Variants in KIAA1217 observed in about 807,000 individuals in gnomAD.
The protein encoded by KIAA1217 is sickle tail protein homolog.
Under a neutral mutation model 163.9 loss-of-function variants are expected in KIAA1217, and 88 were observed. The ratio of observed to expected loss-of-function variants is 0.54; its 90% confidence interval spans 0.45 to 0.64. The LOEUF (loss-of-function observed/expected upper bound fraction) is 0.64, where lower values mean the gene tolerates loss of function less well. Among genes scored for constraint, KIAA1217 ranks in the 30% least tolerant of loss-of-function variants. The pLI, the probability that KIAA1217 is intolerant of heterozygous loss-of-function variation, is 0.00. For missense variants in KIAA1217, 2,372 were observed against 2,475.0 expected, an observed-to-expected ratio of 0.96 and a Z score of 0.88; for synonymous variants, 903 against 923.1, an observed-to-expected ratio of 0.98 and a Z score of 0.39.
chr10:23,956,514 AC>A (rs1844565472), intron 1 of KIAA1217, among the ~76,000 whole-genome samples: 1 of 152,044 alleles, frequency 6.6e-6, no homozygotes, highest in Admixed American at 6.6e-5. Context: ...CTGCCTTCTA[AC>A]CCCCTTCTAA....
intron 9 of KIAA1217, 23 bp from the exon 10 acceptor site, chr10:24,513,236 G>C (rs766169808): frequency 1.2e-6 from 2 of 1,611,452 alleles, no homozygotes; most frequent in South Asian, 2.2e-5. Flanking sequence ...AGCCCACTGA[G>C]GTTGATTTTT....
intron 1 of KIAA1217, among the ~76,000 whole-genome samples, chr10:23,702,699 A>T (rs1279916624): frequency 6.6e-6 from 1 of 151,882 alleles, no homozygotes; most frequent in Non-Finnish European, 1.5e-5. Context: ...ACACACACAC[A>T]CACACACACA....
At chr10:24,494,027 C>T (rs1343201473) in intron 6 of KIAA1217, among the ~76,000 whole-genome samples, 3 of 152,186 alleles carry the variant, frequency 2.0e-5, no homozygotes, top group Non-Finnish European at 4.4e-5. Flanking sequence ...AGCTGTGACA[C>T]AAGTGTTACT....
At chr10:24,156,395 G>A (rs1645942877) in intron 2 of KIAA1217, among the ~76,000 whole-genome samples, 1 of 152,160 alleles carries the variant, frequency 6.6e-6, no homozygotes, top group Non-Finnish European at 1.5e-5. Flanking sequence ...TTTGTTTCCA[G>A]TTTGGGGCTA....
chr10:24,243,621 A>G (rs2073382369), intron 2 of KIAA1217, among the ~76,000 whole-genome samples: 1 of 150,928 alleles, frequency 6.6e-6, no homozygotes, highest in East Asian at 2.0e-4. Context: ...ATGGCTGTGT[A>G]GAATATTCAC....
rs565016701 is a variant in KIAA1217 at position 24,015,859 on chromosome 10, G to A, written c.-171+8485G>A. Among the ~76,000 whole-genome samples the A allele has an allele frequency of 1.3e-4, 20 of 151,886 alleles. No homozygotes were observed. In the East Asian group the frequency reaches 2.7e-3, roughly 21 times the overall value. ...CAGAACCTAGTCCTAAGGCCACAAA[G>A]TAACTTCAAAGTGTACTGGGATGTG... On this transcript the variant is annotated intron_variant, in intron 2 of 18. Transcript: ENST00000376462.
Position 24,292,750 on chromosome 10 carries a change from C to T in KIAA1217, c.354+72841C>T, listed in dbSNP as rs142637071. Among the ~76,000 whole-genome samples the T allele has an allele frequency of 3.8e-3, 574 of 152,178 alleles. 6 individuals carry two copies. The highest frequency in any genetic ancestry group is 0.013 in the African/African-American group (547 of 41,522). On this transcript the variant is annotated intron_variant, in intron 2 of 20. Transcript: ENST00000376454. ...ACATGGGCTGTTTCAAGAGTTTCCA[C>T]GGAATGAAGGTAAACGCTTAGGATA... is the stretch of plus-strand genomic sequence containing the variant.
rs35966270 is a variant in KIAA1217, at chr10:24,090,332, C to CTTTTTTTTTTTT, written c.-171+82975_-171+82986dup. On this transcript the variant is annotated intron_variant, in intron 2 of 18. Coordinates refer to the KIAA1217 transcript ENST00000376462. ...CAGGCATGCACCCTCACATCCTGCTCTTTTTTTTTTTTTTTTTTTTTTTTT... is the reference window on the plus strand; with the variant it reads ...CAGGCATGCACCCTCACATCCTGCTCTTTTTTTTTTTTTTTTTTTTTTTTTTTTTTTTTTTTT... Among the ~76,000 whole-genome samples, 22 of 58,936 alleles carry CTTTTTTTTTTTT rather than the reference C, an allele frequency of 3.7e-4. 2 individuals are homozygous for CTTTTTTTTTTTT. Among genetic ancestry groups the CTTTTTTTTTTTT allele is most frequent in the African/African-American group, 2.6e-3 (22 of 8,546 alleles). The allele number at this position is 58,936 out of a possible 152,430, so 38.7% of individuals were successfully genotyped here. A position where few individuals can be genotyped will look rare whatever the true frequency, so the allele number is the denominator to read the frequency against.
chr10:23,994,232 G>A (rs890177976), intron 1 of KIAA1217, among the ~76,000 whole-genome samples: 1 of 152,172 alleles, frequency 6.6e-6, no homozygotes, highest in African/African-American at 2.4e-5. Context: ...GACTATTGAA[G>A]CTGAACATGA....
intron 2 of KIAA1217, among the ~76,000 whole-genome samples, chr10:24,345,568 T>C (rs913507558): frequency 2.6e-5 from 4 of 152,304 alleles, no homozygotes; most frequent in Middle Eastern, 3.4e-3. Context: ...CCAGTCCCCT[T>C]TGGAGAGAGT....
intron 2 of KIAA1217, among the ~76,000 whole-genome samples, chr10:24,282,882 G>T (rs978049396): frequency 2.1e-5 from 3 of 140,318 alleles, no homozygotes; most frequent in Non-Finnish European, 4.5e-5. Context: ...TGCCCAGGCT[G>T]GAGTGCAATG....
At chr10:24,175,487 G>A (rs2065836814) in intron 2 of KIAA1217, among the ~76,000 whole-genome samples, 1 of 151,904 alleles carries the variant, frequency 6.6e-6, no homozygotes. Flanking sequence ...TCATTCCTGA[G>A]TTACTTCAAT....
chr10:24,073,184 C>T (rs763479464), intron 2 of KIAA1217, among the ~76,000 whole-genome samples: 6 of 152,054 alleles, frequency 3.9e-5, no homozygotes, highest in African/African-American at 9.6e-5. Context: ...AATTCGGGAG[C>T]GAGCGCTGGG....
chr10:24,515,501 G>A (rs907136816), intron 10 of KIAA1217, among the ~76,000 whole-genome samples: 2 of 152,204 alleles, frequency 1.3e-5, no homozygotes, highest in African/African-American at 4.8e-5. Flanking sequence ...GACAGAAAAG[G>A]TAGTGGAACG....
chr10:24,544,230 A>G lies in KIAA1217; in HGVS notation c.4960A>G (p.Arg1654Gly). Reference sequence around the variant, plus strand: ...CATCGAGAGTACATCTCCGATTTCAAGAACTGATGAAATTAGAAAAAACAC... The same window carrying G: ...CATCGAGAGTACATCTCCGATTTCAGGAACTGATGAAATTAGAAAAAACAC... ...PSIESTSPISRTDEIRKNTYR... is the reference protein window; with the variant it reads ...PSIESTSPISGTDEIRKNTYR... Residue 1654 changes from arginine (R) to glycine (G), a missense_variant, in exon 19 of 21, where the codon AGA (arginine) becomes GGA (glycine). Physicochemically the swap from Arg to Gly is moderately radical, Grantham distance 125. Coordinates refer to ENST00000376454, the MANE Select transcript of KIAA1217 (RefSeq NM_019590.5). 1 of 1,614,034 alleles carries G rather than the reference A, an allele frequency of 6.2e-7. No individual in the cohort carries two copies. Among genetic ancestry groups the G allele is most frequent in the East Asian group, 2.2e-5 (1 of 44,876 alleles).
At chr10:23,704,924 A>G (rs1312756871) in intron 1 of KIAA1217, among the ~76,000 whole-genome samples, 1 of 152,164 alleles carries the variant, frequency 6.6e-6, no homozygotes, top group Non-Finnish European at 1.5e-5. Flanking sequence ...TCTTGCTGTC[A>G]ATATGAGGGT....
chr10:24,408,580 C>T (rs2057452981), intron 3 of KIAA1217, among the ~76,000 whole-genome samples: 1 of 152,262 alleles, frequency 6.6e-6, no homozygotes, highest in African/African-American at 2.4e-5. Context: ...CCACCCTCCT[C>T]TCACCTCTCT....
At chr10:24,405,483 G>A (rs1483441414) in intron 3 of KIAA1217, among the ~76,000 whole-genome samples, 1 of 152,072 alleles carries the variant, frequency 6.6e-6, no homozygotes, top group Non-Finnish European at 1.5e-5. Flanking sequence ...AAAATACCTG[G>A]CAGAAACAAT....
At chr10:23,928,238 C>T (rs1366329604) in intron 1 of KIAA1217, among the ~76,000 whole-genome samples, 2 of 152,188 alleles carry the variant, frequency 1.3e-5, no homozygotes, top group Non-Finnish European at 2.9e-5. Flanking sequence ...TTGGTAGGGC[C>T]ACGGTCCAGA....
Sources: gnomAD v4.1 joint callset for allele counts (sites outside exome capture counted in the v4.1 genomes callset) on GRCh38, gnomAD v4.1.1 for gene constraint, MANE v1.5 for transcripts, NCBI Gene and HGNC (gene_info 2026-07-23, HGNC 2026-07-21) for gene names.